The following AGBL4 variants were observed in gnomAD, a reference collection of about 807,000 sequenced individuals.
AGBL4 encodes the protein AGBL carboxypeptidase 4.
Under a neutral mutation model 66.4 loss-of-function variants are expected in AGBL4, and 58 were observed. The ratio of observed to expected loss-of-function variants is 0.87; its 90% CI spans 0.71 to 1.09. The LOEUF is 1.09. Among genes scored for constraint, AGBL4 ranks in the 50% least tolerant of loss-of-function variants. AGBL4 has a pLI of 0.00. For missense variants in AGBL4, 579 were observed against 631.0 expected (o/e 0.92, Z 0.88); for synonymous variants, 234 against 222.9 (o/e 1.05, Z -0.44).
chr1:49,459,805 A>C (rs1646471105), intron 3 of AGBL4, among the ~76,000 whole-genome samples: 1 of 151,732 alleles, frequency 6.6e-6, no homozygotes, highest in African/African-American at 2.4e-5. Context: ...ATTGCTATGA[A>C]TAGTTCTCTT....
At chr1:49,696,801 G>C (rs1376715132) in intron 3 of AGBL4, among the ~76,000 whole-genome samples, 1 of 152,092 alleles carries the variant, frequency 6.6e-6, no homozygotes, top group Non-Finnish European at 1.5e-5. Context: ...ACTAGAGAGG[G>C]CTGTAAATAT....
chr1:49,459,083 C>A (rs1646454115), intron 3 of AGBL4, among the ~76,000 whole-genome samples: 1 of 149,664 alleles, frequency 6.7e-6, no homozygotes, highest in Admixed American at 6.7e-5. Context: ...TTAATTGCTT[C>A]TTTCGTTTTG....
At chr1:49,250,683 C>T (rs1201181346) in intron 3 of AGBL4, among the ~76,000 whole-genome samples, 7 of 152,134 alleles carry the variant, frequency 4.6e-5, no homozygotes, top group Non-Finnish European at 7.4e-5. Flanking sequence ...ACCTCATGTC[C>T]GCCTGCCTTG....
At chr1:49,379,081 A>G (rs1031185952) in intron 3 of AGBL4, among the ~76,000 whole-genome samples, 1 of 152,130 alleles carries the variant, frequency 6.6e-6, no homozygotes, top group Non-Finnish European at 1.5e-5. Flanking sequence ...CGAAATTTGT[A>G]TGCCCTAGTA....
At position 49,608,494 on chromosome 1, in the gene AGBL4, T is replaced by C. The variant is rs76177104; in HGVS notation, c.282+88819A>G. ...AAAGACTGCCTTATTACCAGTCCCA[T>C]CCAGGCCTTAGCCTGCTGTGGTACA... On this transcript the variant is annotated intron_variant, in intron 3 of 13. Coordinates refer to ENST00000371839, the MANE Select transcript of AGBL4 (RefSeq NM_032785.4). Among the ~76,000 whole-genome samples, 65 of 152,264 alleles carry C rather than the reference T, an allele frequency of 4.3e-4. No homozygotes were observed. The East Asian group carries it at 0.012, about 27-fold the overall frequency.
At chr1:48,561,904 T>C (rs1644402358) in intron 11 of AGBL4, among the ~76,000 whole-genome samples, 1 of 152,210 alleles carries the variant, frequency 6.6e-6, no homozygotes, top group African/African-American at 2.4e-5. Flanking sequence ...GCCTCCATAA[T>C]TGCATAAGCC....
chr1:49,399,779 T>G (rs2148608618), intron 3 of AGBL4, among the ~76,000 whole-genome samples: 1 of 152,286 alleles, frequency 6.6e-6, no homozygotes, highest in South Asian at 2.1e-4. Context: ...GAAAAATATC[T>G]TCTCTCATTA....
chr1:49,256,443 G>T (rs1652510932), intron 3 of AGBL4, among the ~76,000 whole-genome samples: 1 of 152,056 alleles, frequency 6.6e-6, no homozygotes, highest in Non-Finnish European at 1.5e-5. Flanking sequence ...AATTATGATA[G>T]TATCAAATAT....
At chr1:49,812,724 A>C (rs1645128516) in intron 2 of AGBL4, among the ~76,000 whole-genome samples, 2 of 152,122 alleles carry the variant, frequency 1.3e-5, no homozygotes, top group African/African-American at 4.8e-5. Context: ...TCCTTGATAA[A>C]TGTTAATTTT....
chr1:48,779,606 G>A (rs1281091831), intron 6 of AGBL4, among the ~76,000 whole-genome samples: 1 of 152,122 alleles, frequency 6.6e-6, no homozygotes, highest in African/African-American at 2.4e-5. Flanking sequence ...ACAGGGCTGG[G>A]GAGTAAATGT....
chr1:48,996,934 T>C (rs1346503482), intron 5 of AGBL4, among the ~76,000 whole-genome samples: 2 of 152,016 alleles, frequency 1.3e-5, no homozygotes, highest in African/African-American at 4.8e-5. Context: ...GTAATAATTG[T>C]TTTTTCAAGA....
At chr1:48,805,193 T>C (rs1645896342) in intron 6 of AGBL4, among the ~76,000 whole-genome samples, 1 of 152,182 alleles carries the variant, frequency 6.6e-6, no homozygotes, top group African/African-American at 2.4e-5. Context: ...GACGATACTA[T>C]GTGAGAAGTG....
chr1:48,597,317 A>C (rs1328765346), intron 9 of AGBL4, among the ~76,000 whole-genome samples: 1 of 152,208 alleles, frequency 6.6e-6, no homozygotes, highest in Non-Finnish European at 1.5e-5. Context: ...GGGTGAACAA[A>C]ACAGATAAGA....
At chr1:48,925,517 G>GTT (rs1013189833) in intron 5 of AGBL4, among the ~76,000 whole-genome samples, 1 of 150,664 alleles carries the variant, frequency 6.6e-6, no homozygotes, top group Non-Finnish European at 1.5e-5. Flanking sequence ...TTTTTTTTGT[G>GTT]TTTTTTTTTA....
At chr1:49,911,423 G>A (rs1007574982) in intron 1 of AGBL4, among the ~76,000 whole-genome samples, 11 of 152,158 alleles carry the variant, frequency 7.2e-5, no homozygotes, top group Non-Finnish European at 1.5e-4. Flanking sequence ...ATTATTGCAA[G>A]ATAGTTCTAT....
intron 3 of AGBL4, among the ~76,000 whole-genome samples, chr1:49,365,278 T>C (rs998045928): frequency 2.0e-5 from 3 of 152,218 alleles, no homozygotes; most frequent in African/African-American, 7.2e-5. Flanking sequence ...ATCTCTACCA[T>C]TTAATAGTAT....
chr1:48,774,879 C>T (rs904310708), intron 6 of AGBL4, among the ~76,000 whole-genome samples: 7 of 152,186 alleles, frequency 4.6e-5, no homozygotes, highest in Non-Finnish European at 7.3e-5. Flanking sequence ...CACTAAGAAA[C>T]TTATCACTGA....
At chr1:48,530,682 A>G (rs74815780), downstream of AGBL4, among the ~76,000 whole-genome samples, 1 of 152,188 alleles carries the variant, frequency 6.6e-6, no homozygotes, top group African/African-American at 2.4e-5. Context: ...ACAGACTTTT[A>G]GTCCTGTCTC....
At chr1:49,669,275 T>A (rs1365981499) in intron 3 of AGBL4, among the ~76,000 whole-genome samples, 1 of 152,052 alleles carries the variant, frequency 6.6e-6, no homozygotes. Flanking sequence ...GAGGGACAAC[T>A]GAGGGTAGAA....
Sources: allele counts gnomAD v4.1 joint callset (sites outside exome capture counted in the v4.1 genomes callset), GRCh38; gene constraint gnomAD v4.1.1; transcripts MANE v1.5; gene names NCBI Gene and HGNC (gene_info 2026-07-23, HGNC 2026-07-21).